Variants in SLF1 observed in about 807,000 individuals in gnomAD.
SLF1 encodes SMC5-SMC6 complex localization factor protein 1.
SLF1 carries 105 observed loss-of-function variants against 123.0 expected under a neutral mutation model. That is an observed-to-expected ratio of 0.85 (90% confidence interval 0.73 to 1.00). The LOEUF (loss-of-function observed/expected upper bound fraction) is 1.00, where lower values mean the gene tolerates loss of function less well. Ranked by LOEUF, SLF1 falls within the 50% of genes least tolerant of loss-of-function variation. SLF1 has a pLI of 0.00. For synonymous variants in SLF1, 434 were observed against 406.6 expected, an observed-to-expected ratio of 1.07 and a Z score of -0.81; for missense variants, 1,239 against 1,223.0, an observed-to-expected ratio of 1.01 and a Z score of -0.20.
In SLF1 at chr5:94,677,463, A is replaced by G. The variant is rs1751210076; in HGVS notation, c.1828-1345A>G. Among the ~76,000 whole-genome samples the G allele has an allele frequency of 2.0e-5, 3 of 152,172 alleles. No homozygotes were observed. The South Asian group carries it at 6.2e-4, about 31-fold the overall frequency. On this transcript the variant is annotated intron_variant, in intron 14 of 20. Transcript: ENST00000265140. Reference sequence around the variant, plus strand: ...AGGTTCTTAGATCCTTTTATACTGTAATCTTTTATACATGAACAGAATGTT... The same window carrying G: ...AGGTTCTTAGATCCTTTTATACTGTGATCTTTTATACATGAACAGAATGTT...
chr5:94,653,028 T>G (rs968409561), intron 7 of SLF1, among the ~76,000 whole-genome samples: 2 of 152,198 alleles, frequency 1.3e-5, no homozygotes, highest in Non-Finnish European at 2.9e-5. Context: ...TGGCTAATTT[T>G]GTATTTTTAG....
intron 9 of SLF1, among the ~76,000 whole-genome samples, chr5:94,657,016 T>A (rs564398984): frequency 2.7e-5 from 4 of 148,982 alleles, no homozygotes; most frequent in Non-Finnish European, 6.0e-5. Context: ...TTTATATATC[T>A]TTAATAAATA....
chr5:94,636,805 C>T lies in SLF1; in HGVS notation c.431+6062C>T, dbSNP rs759582167. ...CAATCTTGGCTCACTGCAACCTCCT[C>T]CTCCTGGGTTCAAGCGAATCCCCTG... On this transcript the variant is annotated intron_variant, in intron 4 of 20. Coordinates refer to ENST00000265140, the MANE Select transcript of SLF1 (RefSeq NM_032290.4). Among the ~76,000 whole-genome samples the T allele has an allele frequency of 5.6e-4, 83 of 147,916 alleles. No homozygotes were observed. The East Asian group carries it at 6.0e-3, about 11-fold the overall frequency.
At chr5:94,643,862 A>G (rs910348458) in intron 5 of SLF1, among the ~76,000 whole-genome samples, 1 of 152,128 alleles carries the variant, frequency 6.6e-6, no homozygotes, top group East Asian at 1.9e-4. Context: ...CAAACCCTAG[A>G]AGAAACTGTC....
intron 5 of SLF1, among the ~76,000 whole-genome samples, chr5:94,644,697 G>A (rs1746813939): frequency 6.6e-6 from 1 of 152,168 alleles, no homozygotes; most frequent in African/African-American, 2.4e-5. Flanking sequence ...CTACAGGGAA[G>A]CCTCCTTGAT....
At chr5:94,668,265 T>TG (rs1750044841) in intron 12 of SLF1, among the ~76,000 whole-genome samples, 1 of 152,090 alleles carries the variant, frequency 6.6e-6, no homozygotes, top group Admixed American at 6.6e-5. Flanking sequence ...CTCAGCCTCC[T>TG]GAGTACCTGG....
At chr5:94,694,722 T>TA in intron 20 of SLF1, 109 bp from the exon 21 acceptor site, 1 of 1,350,896 alleles carries the variant, frequency 7.4e-7, no homozygotes, top group South Asian at 1.5e-5. Context: ...TAATACAAAA[T>TA]ATGATTGCAA....
intron 7 of SLF1, 128 bp downstream of exon 7, chr5:94,651,973 C>T (rs1747777670): frequency 2.5e-6 from 1 of 392,944 alleles, no homozygotes; most frequent in South Asian, 1.0e-4. Flanking sequence ...AGAAATAGAG[C>T]ATTACCAGTT....
chr5:94,638,636 C>T (rs770059453), intron 4 of SLF1, among the ~76,000 whole-genome samples: 12 of 152,154 alleles, frequency 7.9e-5, no homozygotes, highest in Admixed American at 2.6e-4. Context: ...CAATAGTAAC[C>T]GTGAGCCCTG....
chr5:94,694,128 A>C (rs560022235), intron 20 of SLF1, among the ~76,000 whole-genome samples: 1 of 152,070 alleles, frequency 6.6e-6, no homozygotes, highest in Non-Finnish European at 1.5e-5. Flanking sequence ...AAGTACTCCT[A>C]TACTTTGCTA....
intron 14 of SLF1, among the ~76,000 whole-genome samples, chr5:94,677,919 A>T (rs1430560563): frequency 7.4e-6 from 1 of 135,900 alleles, no homozygotes; most frequent in Non-Finnish European, 1.6e-5. Flanking sequence ...ATATAAAATG[A>T]TATACTTTTT....
At chr5:94,660,750 G>A (rs1223495059) in intron 9 of SLF1, among the ~76,000 whole-genome samples, 2 of 152,170 alleles carry the variant, frequency 1.3e-5, no homozygotes, top group African/African-American at 4.8e-5. Flanking sequence ...GCATGACGAC[G>A]CTGGTGCTGG....
Position 94,696,406 on chromosome 5 carries a change from G to A in SLF1, c.*1094G>A, listed in dbSNP as rs572643024. ...TATTACTGGGTTTGTAATCTAAATT[G>A]AAAACTGCTATATCAGTATGAAAAA... On this transcript the variant is annotated 3_prime_UTR_variant, in exon 21 of 21. Coordinates refer to ENST00000265140, the MANE Select transcript of SLF1 (RefSeq NM_032290.4). 2.0e-4 allele frequency: 30 copies of A among 151,838 alleles called. No individual in the cohort carries two copies. In the East Asian group the frequency reaches 5.2e-3, roughly 27 times the overall value. 9.4% of individuals were successfully genotyped at this position (151,838 alleles called of 1,614,324 possible).
At chr5:94,651,618 G>A in intron 6 of SLF1, 84 bp from the exon 7 acceptor site, 2 of 1,166,424 alleles carry the variant, frequency 1.7e-6, no homozygotes, top group Non-Finnish European at 2.3e-6. Flanking sequence ...TCCTGGATGG[G>A]TTTTTCTTTT....
intron 12 of SLF1, among the ~76,000 whole-genome samples, chr5:94,669,269 T>C (rs10476614): frequency 0.55 from 83,640 of 151,958 alleles, 23,353 homozygotes; most frequent in African/African-American, 0.65. Flanking sequence ...ATCTTATAGA[T>C]AGATTGAATA....
At chr5:94,626,423 C>T (rs919991329) in intron 1 of SLF1, among the ~76,000 whole-genome samples, 2 of 152,084 alleles carry the variant, frequency 1.3e-5, no homozygotes, top group African/African-American at 4.8e-5. Flanking sequence ...GACCAAATCC[C>T]TGTAACTTTT....
chr5:94,636,710 ATTTT>A (rs140191160), intron 4 of SLF1, among the ~76,000 whole-genome samples: 90 of 75,468 alleles, frequency 1.2e-3, no homozygotes, highest in South Asian at 4.1e-3. Context: ...TATTTTACTG[ATTTT>A]TTTTTTTTTT....
intron 9 of SLF1, among the ~76,000 whole-genome samples, chr5:94,659,747 C>T (rs1358777217): frequency 2.0e-5 from 3 of 152,120 alleles, no homozygotes; most frequent in Non-Finnish European, 4.4e-5. Context: ...TTCTTGGGTC[C>T]TGGGCAATAT....
At chr5:94,637,393 G>T (rs984424048) in intron 4 of SLF1, among the ~76,000 whole-genome samples, 1 of 152,148 alleles carries the variant, frequency 6.6e-6, no homozygotes, top group African/African-American at 2.4e-5. Flanking sequence ...AAAACCACTG[G>T]CTGAGCTCTG....
Sources: allele counts gnomAD v4.1 joint callset (sites outside exome capture counted in the v4.1 genomes callset), GRCh38; gene constraint gnomAD v4.1.1; transcripts MANE v1.5; gene names NCBI Gene and HGNC (gene_info 2026-07-23, HGNC 2026-07-21).